The following PCGF5 variants were observed in gnomAD, a reference collection of about 807,000 sequenced individuals.
PCGF5 encodes polycomb group ring finger 5.
A neutral mutation model predicts 44.3 loss-of-function variants in PCGF5; 9 were observed. The observed-to-expected ratio is 0.20, with a 90% confidence interval of 0.12 to 0.35. The LOEUF (loss-of-function observed/expected upper bound fraction) is 0.35. PCGF5 is among the 10% of genes least tolerant of loss of function. PCGF5 has a pLI of 1.00. For missense variants in PCGF5, 146 were observed against 305.3 expected (o/e 0.48, Z 3.89); for synonymous variants, 95 against 102.5 (o/e 0.93, Z 0.44).
upstream of PCGF5, among the ~76,000 whole-genome samples, chr10:91,219,689 G>T (rs759046467): frequency 1.3e-5 from 2 of 152,206 alleles, no homozygotes; most frequent in African/African-American, 4.8e-5. Flanking sequence ...TTCAGAAAAT[G>T]TATTGCTCCT....
intron 2 of PCGF5, among the ~76,000 whole-genome samples, chr10:91,225,302 T>C (rs1392869415): frequency 6.8e-6 from 1 of 147,674 alleles, no homozygotes; most frequent in East Asian, 2.0e-4. Context: ...ATATATAACA[T>C]ATATATATAA....
In PCGF5 at chr10:91,240,520, G is replaced by A. The variant is rs372569296; in HGVS notation, c.149G>A (p.Ser50Asn). The A allele has an allele frequency of 4.3e-6, 7 of 1,611,738 alleles. No individual in the cohort carries two copies. The highest frequency in any genetic ancestry group is 5.1e-6 in the Non-Finnish European group (6 of 1,178,726). The part of the protein sequence containing the change: ...KTCIVQHFED[S>N]NDCPRCGNQV... The stretch of plus-strand genomic sequence containing the variant: ...TGTATTGTTCAGCACTTTGAAGATA[G>A]CAATGATTGCCCAAGGTGTGGCAAC... The change falls in exon 3 of 10, where the codon AGC becomes AAC. Residue 50 changes from serine to asparagine, a missense_variant. Ser to Asn is a conservative substitution (Grantham distance 46, BLOSUM62 1). Coordinates refer to ENST00000336126, the MANE Select transcript of PCGF5 (RefSeq NM_032373.5).
At chr10:91,186,558 A>ATG (rs1006513887) in intron 1 of PCGF5, among the ~76,000 whole-genome samples, 32 of 97,326 alleles carry the variant, frequency 3.3e-4, no homozygotes, top group African/African-American at 9.6e-4. Flanking sequence ...ATATATATAT[A>ATG]TGTGTGTGTG....
At chr10:91,160,363 C>T (rs1843361966), upstream of PCGF5, among the ~76,000 whole-genome samples, 1 of 152,142 alleles carries the variant, frequency 6.6e-6, no homozygotes, top group Non-Finnish European at 1.5e-5. Flanking sequence ...GTAAGAGAAC[C>T]GTCAGCAGTG....
intron 1 of PCGF5, among the ~76,000 whole-genome samples, chr10:91,203,648 G>T (rs1426047492): frequency 6.6e-6 from 1 of 152,096 alleles, no homozygotes; most frequent in African/African-American, 2.4e-5. Flanking sequence ...CAAGACTCAT[G>T]TTTTTAATTT....
intron 3 of PCGF5, among the ~76,000 whole-genome samples, chr10:91,242,433 T>C (rs1955929379): frequency 6.6e-6 from 1 of 152,052 alleles, no homozygotes; most frequent in African/African-American, 2.4e-5. Flanking sequence ...AAACTGTTAA[T>C]AAAAACAGAC....
chr10:91,212,399 T>C (rs1393492057), intron 1 of PCGF5, among the ~76,000 whole-genome samples: 1 of 152,220 alleles, frequency 6.6e-6, no homozygotes, highest in Non-Finnish European at 1.5e-5. Context: ...TTAAAAGCCA[T>C]TGAGAAATAA....
intron 6 of PCGF5, among the ~76,000 whole-genome samples, chr10:91,256,545 C>A (rs747417700): frequency 6.6e-6 from 1 of 151,792 alleles, no homozygotes; most frequent in African/African-American, 2.4e-5. Context: ...AATAATGGCC[C>A]CTAAAAACCA....
intron 6 of PCGF5, among the ~76,000 whole-genome samples, chr10:91,260,133 A>AGGGATCACGGTGGCCGAGATAGCTCAG (rs1554851227): frequency 4.0e-5 from 6 of 151,732 alleles, no homozygotes; most frequent in African/African-American, 1.5e-4. Flanking sequence ...AAACAACCCC[A>AGGGATCACGGTGGCCGAGATAGCTCAG]TCAAAAAGTG....
chr10:91,193,606 C>T (rs1844075009), intron 1 of PCGF5, among the ~76,000 whole-genome samples: 1 of 151,944 alleles, frequency 6.6e-6, no homozygotes, highest in African/African-American at 2.4e-5. Flanking sequence ...GTCGGAAAGG[C>T]CCTCCACCCT....
Position 91,237,481 on chromosome 10 carries a change from G to A in PCGF5, c.113-3003G>A, listed in dbSNP as rs187870698. ...ATCAACGCTGGGCGCAGTGGCTCAC[G>A]CCTGTAATTCCAGCACTTTGGGAGG... On this transcript the variant is annotated intron_variant, in intron 2 of 9. Coordinates refer to ENST00000336126, the MANE Select transcript of PCGF5 (RefSeq NM_032373.5). Among the ~76,000 whole-genome samples the A allele has an allele frequency of 3.9e-5, 6 of 152,270 alleles. No homozygotes were observed. The East Asian group carries it at 5.8e-4, about 15-fold the overall frequency.
At position 91,281,512 on chromosome 10, in the gene PCGF5, C is replaced by T. The variant is rs1382038257; in HGVS notation, c.*3196C>T. On this transcript the variant is annotated 3_prime_UTR_variant, in exon 10 of 10. Coordinates refer to ENST00000336126, the MANE Select transcript of PCGF5 (RefSeq NM_032373.5). ...TGCATAAAGTTTGAGTTATCTGTACCTGTCTCTTATGAATGGTTTCATATC... is the reference window on the plus strand; with the variant it reads ...TGCATAAAGTTTGAGTTATCTGTACTTGTCTCTTATGAATGGTTTCATATC... 1.3e-5 allele frequency: 2 copies of T among 152,558 alleles called. No individual in the cohort carries two copies. The highest frequency in any genetic ancestry group is 4.8e-5 in the African/African-American group (2 of 41,456). The allele number at this position is 152,558 out of a possible 1,614,324, so 9.5% of individuals were successfully genotyped here. A position where few individuals can be genotyped will look rare whatever the true frequency, so the allele number is the denominator to read the frequency against.
At chr10:91,262,178 A>G (rs960198205) in intron 7 of PCGF5, among the ~76,000 whole-genome samples, 2 of 152,170 alleles carry the variant, frequency 1.3e-5, no homozygotes, top group Non-Finnish European at 2.9e-5. Context: ...TAATCCCAGC[A>G]CTTGGGGAGG....
intron 1 of PCGF5, among the ~76,000 whole-genome samples, chr10:91,183,716 G>A (rs569776226): frequency 6.6e-6 from 1 of 152,188 alleles, no homozygotes; most frequent in African/African-American, 2.4e-5. Context: ...GTCCTTCTTT[G>A]CCATATGTAG....
intron 1 of PCGF5, among the ~76,000 whole-genome samples, chr10:91,165,370 C>T (rs1173326611): frequency 2.0e-5 from 3 of 152,296 alleles, no homozygotes; most frequent in African/African-American, 7.2e-5. Flanking sequence ...AAAGTCAAAT[C>T]CCACAGTCCT....
At chr10:91,240,112 G>A (rs957819205) in intron 2 of PCGF5, among the ~76,000 whole-genome samples, 1 of 152,086 alleles carries the variant, frequency 6.6e-6, no homozygotes, top group Non-Finnish European at 1.5e-5. Context: ...TAAATGTTTA[G>A]CAAAGGAAAT....
intron 1 of PCGF5, among the ~76,000 whole-genome samples, chr10:91,184,493 T>C (rs931382450): frequency 6.6e-6 from 1 of 152,222 alleles, no homozygotes; most frequent in African/African-American, 2.4e-5. Context: ...TTGCTTGGGT[T>C]ATAATGTACT....
At chr10:91,188,102 C>T (rs190604361) in intron 1 of PCGF5, among the ~76,000 whole-genome samples, 84 of 152,326 alleles carry the variant, frequency 5.5e-4, no homozygotes, top group Non-Finnish European at 6.6e-4. Flanking sequence ...AGGAACAGCT[C>T]CGGTCTACAG....
intron 1 of PCGF5, among the ~76,000 whole-genome samples, chr10:91,170,896 A>G (rs1843592346): frequency 2.0e-5 from 3 of 152,254 alleles, no homozygotes; most frequent in Admixed American, 2.0e-4. Flanking sequence ...ACATCCAGGT[A>G]ATGGAATATT....
Sources: gnomAD v4.1 joint callset for allele counts (sites outside exome capture counted in the v4.1 genomes callset) on GRCh38, gnomAD v4.1.1 for gene constraint, MANE v1.5 for transcripts, NCBI Gene and HGNC (gene_info 2026-07-23, HGNC 2026-07-21) for gene names.